SESTD1: variants seen among roughly 807,000 people sequenced by gnomAD.
SESTD1 encodes the protein SEC14 domain and spectrin repeat-containing protein 1.
A neutral mutation model predicts 101.7 loss-of-function variants in SESTD1; 43 were observed. The ratio of observed to expected loss-of-function variants is 0.42; its 90% confidence interval spans 0.33 to 0.55. The LOEUF is 0.55. SESTD1 is among the 20% of genes least tolerant of loss of function. The pLI, the probability that SESTD1 is intolerant of heterozygous loss-of-function variation, is 0.07. For synonymous variants in SESTD1, 283 were observed against 286.8 expected (o/e 0.99, Z 0.13); for missense variants, 647 against 815.1 (o/e 0.79, Z 2.51).
intron 1 of SESTD1, among the ~76,000 whole-genome samples, chr2:179,244,804 T>C (rs1265272993): frequency 6.6e-6 from 1 of 152,198 alleles, no homozygotes; most frequent in Non-Finnish European, 1.5e-5. Context: ...AAATTATGTT[T>C]GACACCTGAA....
chr2:179,114,626 CCTTATT>C (rs1344435817), intron 16 of SESTD1, among the ~76,000 whole-genome samples: 6 of 148,506 alleles, frequency 4.0e-5, no homozygotes, highest in African/African-American at 5.3e-5. Flanking sequence ...TTACTTTTGT[CCTTATT>C]CTTATTTTTT....
At chr2:179,255,735 T>A (rs530058311) in intron 1 of SESTD1, among the ~76,000 whole-genome samples, 2 of 152,380 alleles carry the variant, frequency 1.3e-5, no homozygotes, top group South Asian at 4.1e-4. Flanking sequence ...ATTTTCAATG[T>A]AGATGAAACA....
chr2:179,203,136 C>G (rs2046542485), intron 1 of SESTD1, among the ~76,000 whole-genome samples: 1 of 134,708 alleles, frequency 7.4e-6, no homozygotes, highest in Non-Finnish European at 1.6e-5. Flanking sequence ...CACAAACAAC[C>G]TGCAGGCACA....
intron 5 of SESTD1, among the ~76,000 whole-genome samples, chr2:179,154,870 A>G (rs953512390): frequency 1.3e-5 from 2 of 152,332 alleles, no homozygotes; most frequent in African/African-American, 2.4e-5. Flanking sequence ...ACTTGACTGT[A>G]TATTAGTGCA....
chr2:179,256,078 C>A (rs2047389091), intron 1 of SESTD1, among the ~76,000 whole-genome samples: 1 of 152,082 alleles, frequency 6.6e-6, no homozygotes, highest in Non-Finnish European at 1.5e-5. Flanking sequence ...TGCACCTGGT[C>A]ATCCAAGAAC....
chr2:179,260,880 T>C (rs1353759506), intron 1 of SESTD1, among the ~76,000 whole-genome samples: 2 of 152,172 alleles, frequency 1.3e-5, no homozygotes, highest in African/African-American at 4.8e-5. Context: ...TGTGTATTTA[T>C]AGATAAATAC....
At chr2:179,230,446 C>G (rs963059472) in intron 1 of SESTD1, among the ~76,000 whole-genome samples, 3 of 151,900 alleles carry the variant, frequency 2.0e-5, no homozygotes, top group African/African-American at 7.2e-5. Flanking sequence ...TGAATTGTAT[C>G]TCTTTAAACA....
chr2:179,102,666 A>G lies in SESTD1; in HGVS notation c.*7233T>C, dbSNP rs1324726999. ...TTTTGAAAATGAGCATTAGAAACAC[A>G]CAGATGATTATAATTCTATAGACTA... On this transcript the variant is annotated 3_prime_UTR_variant, in exon 18 of 18. Coordinates refer to ENST00000428443, the MANE Select transcript of SESTD1 (RefSeq NM_178123.5). The G allele has an allele frequency of 2.0e-5, 3 of 152,150 alleles. No individual in the cohort carries two copies. The highest frequency in any genetic ancestry group is 4.4e-5 in the Non-Finnish European group (3 of 68,022). 9.4% of individuals were successfully genotyped at this position (152,150 alleles called of 1,614,324 possible).
At chr2:179,128,814 C>T (rs1289558975) in intron 10 of SESTD1, among the ~76,000 whole-genome samples, 2 of 151,030 alleles carry the variant, frequency 1.3e-5, no homozygotes, top group Non-Finnish European at 2.9e-5. Flanking sequence ...TCACTTACAG[C>T]CATTCTCCGG....
intron 6 of SESTD1, among the ~76,000 whole-genome samples, chr2:179,150,746 G>A (rs1386760279): frequency 3.9e-5 from 6 of 152,038 alleles, no homozygotes; most frequent in Non-Finnish European, 5.9e-5. Context: ...CTTGAATCCC[G>A]GAGGCGGAGG....
At position 179,141,506 on chromosome 2, in the gene SESTD1, ATT is replaced by A. The variant is rs377655746; in HGVS notation, c.849+2084_849+2085del. ...AGGACAATGTCATACTATTGTAGACATTTTTTTTTTTTTGAATGGATGAACTA... is the reference window on the plus strand; with the variant it reads ...AGGACAATGTCATACTATTGTAGACATTTTTTTTTTTGAATGGATGAACTA... On this transcript the variant is annotated intron_variant, in intron 9 of 17. Transcript: ENST00000428443. Among the ~76,000 whole-genome samples the A allele has an allele frequency of 1.7e-3, 243 of 146,552 alleles. 1 individual carries two copies. The highest frequency in any genetic ancestry group is 5.5e-3 in the African/African-American group (219 of 40,168).
At chr2:179,235,809 C>T (rs1393413440) in intron 1 of SESTD1, among the ~76,000 whole-genome samples, 1 of 152,176 alleles carries the variant, frequency 6.6e-6, no homozygotes, top group African/African-American at 2.4e-5. Context: ...CCTCTCTCTC[C>T]ACTTCATGTT....
At chr2:179,129,760 G>A (rs2044966773) in intron 10 of SESTD1, among the ~76,000 whole-genome samples, 1 of 152,110 alleles carries the variant, frequency 6.6e-6, no homozygotes, top group Non-Finnish European at 1.5e-5. Flanking sequence ...TAAAATATTA[G>A]AATATCTTAA....
chr2:179,155,861 A>G (rs185861819), intron 5 of SESTD1, among the ~76,000 whole-genome samples: 36 of 152,192 alleles, frequency 2.4e-4, no homozygotes, highest in East Asian at 2.1e-3. Context: ...ACACTGCAGC[A>G]TATTTGTAGT....
intron 9 of SESTD1, among the ~76,000 whole-genome samples, chr2:179,133,430 T>A (rs2045057560): frequency 6.6e-6 from 1 of 152,172 alleles, no homozygotes; most frequent in Non-Finnish European, 1.5e-5. Flanking sequence ...AGCTAAAGGG[T>A]TAAGCAAAGA....
intron 10 of SESTD1, among the ~76,000 whole-genome samples, chr2:179,128,458 C>G (rs1185834157): frequency 6.6e-6 from 1 of 152,118 alleles, no homozygotes; most frequent in South Asian, 2.1e-4. Flanking sequence ...CGGCCGGGCA[C>G]AGTGGCTCAT....
At chr2:179,240,693 C>T (rs77904669) in intron 1 of SESTD1, among the ~76,000 whole-genome samples, 8,482 of 152,304 alleles carry the variant, frequency 0.056, 325 homozygotes, top group South Asian at 0.14. Context: ...CTCACCCTCA[C>T]CCATGCCAGA....
chr2:179,192,797 A>AT (rs2046337117), intron 1 of SESTD1, among the ~76,000 whole-genome samples: 1 of 152,172 alleles, frequency 6.6e-6, no homozygotes, highest in African/African-American at 2.4e-5. Flanking sequence ...ATCAGATTCA[A>AT]TTCTATTATC....
chr2:179,114,697 T>TAATA (rs1288506775), intron 16 of SESTD1, among the ~76,000 whole-genome samples: 17 of 152,312 alleles, frequency 1.1e-4, no homozygotes, highest in South Asian at 1.0e-3. Context: ...GTGTGACAAT[T>TAATA]AATAGCAGTT....
Sources: gnomAD v4.1 joint callset for allele counts (sites outside exome capture counted in the v4.1 genomes callset) on GRCh38, gnomAD v4.1.1 for gene constraint, MANE v1.5 for transcripts, NCBI Gene and HGNC (gene_info 2026-07-23, HGNC 2026-07-21) for gene names.